Variants in DGKH observed in about 807,000 individuals in gnomAD.
The protein encoded by DGKH is DAG kinase eta.
Under a neutral mutation model 159.3 loss-of-function variants are expected in DGKH, and 90 were observed. The ratio of observed to expected loss-of-function variants is 0.57; its 90% confidence interval spans 0.48 to 0.67. The LOEUF is 0.67. DGKH is among the 30% of genes least tolerant of loss of function. The pLI is 0.00. For synonymous variants in DGKH, 536 were observed against 553.8 expected (o/e 0.97, Z 0.45); for missense variants, 1,181 against 1,506.1 (o/e 0.78, Z 3.57).
intron 1 of DGKH, among the ~76,000 whole-genome samples, chr13:42,118,329 TAC>T (rs1156418389): frequency 2.0e-5 from 3 of 152,356 alleles, no homozygotes; most frequent in Admixed American, 6.5e-5. Context: ...TGTTTTAAAA[TAC>T]ACAGTTACCT....
chr13:42,198,450 T>G (rs201267674), intron 17 of DGKH, 28 bp from the exon 18 acceptor site: 5 of 1,588,788 alleles, frequency 3.1e-6, no homozygotes, highest in Non-Finnish European at 4.3e-6. Flanking sequence ...TAACATGCGA[T>G]CCCATATGTG....
chr13:42,150,900 C>T lies in DGKH; in HGVS notation c.385-4391C>T, dbSNP rs112849386. ...CATGTGATCTTCATATGAGATGATC[C>T]TGGATTATCTAGGTGGGCCCAGTGC... On this transcript the variant is annotated intron_variant, in intron 3 of 29. Coordinates refer to ENST00000337343, the MANE Select transcript of DGKH (RefSeq NM_178009.5). Among the ~76,000 whole-genome samples the T allele has an allele frequency of 4.1e-3, 621 of 151,816 alleles. 7 individuals are homozygous for T. The highest frequency in any genetic ancestry group is 0.014 in the African/African-American group (573 of 41,432).
chr13:42,067,709 A>AG (rs1555256876), intron 1 of DGKH, among the ~76,000 whole-genome samples: 1 of 149,704 alleles, frequency 6.7e-6, no homozygotes, highest in Non-Finnish European at 1.5e-5. Flanking sequence ...TAATTAATTA[A>AG]TTTTTTTTTT....
intron 25 of DGKH, among the ~76,000 whole-genome samples, chr13:42,215,373 C>T (rs916227539): frequency 4.0e-5 from 6 of 151,740 alleles, no homozygotes; most frequent in Non-Finnish European, 4.4e-5. Context: ...TCACTGTAAT[C>T]GGTGCATTCT....
intron 20 of DGKH, among the ~76,000 whole-genome samples, chr13:42,201,673 C>T (rs1429122088): frequency 6.6e-6 from 1 of 152,152 alleles, no homozygotes; most frequent in African/African-American, 2.4e-5. Flanking sequence ...GACCCCTTCT[C>T]AGAATATTGT....
At chr13:42,179,563 C>T (rs1021198751) in intron 13 of DGKH, among the ~76,000 whole-genome samples, 9 of 152,026 alleles carry the variant, frequency 5.9e-5, no homozygotes, top group African/African-American at 2.2e-4. Context: ...ACTTGAAGCC[C>T]AGGAGTTCAA....
chr13:42,210,892 G>T, intron 24 of DGKH, 127 bp downstream of exon 24: 1 of 759,626 alleles, frequency 1.3e-6, no homozygotes, highest in Non-Finnish European at 2.1e-6. Context: ...TCTTCACACA[G>T]CACTCTTTCC....
intron 1 of DGKH, among the ~76,000 whole-genome samples, chr13:42,100,328 G>C (rs2137771887): frequency 6.6e-6 from 1 of 152,210 alleles, no homozygotes; most frequent in South Asian, 2.1e-4. Context: ...AACAAGCTTA[G>C]GGCTCCCACT....
rs199633206 is a variant in DGKH, at chr13:42,168,580, C to G, written c.1227+32C>G. On this transcript the variant is annotated intron_variant, in intron 10 of 29. Coordinates refer to ENST00000337343, the MANE Select transcript of DGKH (RefSeq NM_178009.5). ...GCTAATTCTTTTACTTGCTAGTTAA[C>G]ATGAATGCATACTAACATACTTACC... is the stretch of plus-strand genomic sequence containing the variant. 241 of 1,613,310 alleles carry G rather than the reference C, an allele frequency of 1.5e-4. 1 individual carries two copies. Among genetic ancestry groups the G allele is most frequent in the Admixed American group, 5.2e-4 (31 of 59,978 alleles).
At chr13:42,166,342 A>G (rs554044764) in intron 8 of DGKH, among the ~76,000 whole-genome samples, 173 bp from the exon 9 acceptor site, 1 of 152,272 alleles carries the variant, frequency 6.6e-6, no homozygotes, top group South Asian at 2.1e-4. Flanking sequence ...CATAAGAATT[A>G]CATACAAACA....
Position 42,166,653 on chromosome 13 carries a change from TG to T in DGKH, c.1098del (p.Met366IlefsTer7). ...AATCCGGCTCAGGTGTTTGATTTAATGAATGGAGGTCCTCATTTAGGGTAAC... is the reference window on the plus strand; with the variant it reads ...AATCCGGCTCAGGTGTTTGATTTAATAATGGAGGTCCTCATTTAGGGTAAC... ...LLNPAQVFDLMNGGPHLGLRL... is the reference protein window; with the variant it reads ...LLNPAQVFDLXNGGPHLGLRL... On this transcript the variant is annotated frameshift_variant, in exon 9 of 30. Transcript: ENST00000337343. LOFTEE classifies it high-confidence loss of function. The T allele has an allele frequency of 6.2e-7, 1 of 1,600,118 alleles. No individual in the cohort carries two copies. The highest frequency in any genetic ancestry group is 1.1e-5 in the South Asian group (1 of 87,842).
Position 42,235,043 on chromosome 13 carries a change from A to G in DGKH, c.*5855A>G, listed in dbSNP as rs1016717135. The G allele has an allele frequency of 1.3e-5, 2 of 152,146 alleles. No individual in the cohort carries two copies. Among genetic ancestry groups the G allele is most frequent in the African/African-American group, 2.4e-5 (1 of 41,420 alleles). The allele number at this position is 152,146 out of a possible 1,614,324, so 9.4% of individuals were successfully genotyped here. A position where few individuals can be genotyped will look rare whatever the true frequency, so the allele number is the denominator to read the frequency against. ...AGAAGAAAAACTATAAAGTTTTATC[A>G]TTGTAGAGAACAGAGAGATCAAAGA... On this transcript the variant is annotated 3_prime_UTR_variant, in exon 30 of 30. Transcript: ENST00000337343.
chr13:42,191,194 T>C (rs1957053983), intron 16 of DGKH, among the ~76,000 whole-genome samples: 1 of 152,220 alleles, frequency 6.6e-6, no homozygotes, highest in South Asian at 2.1e-4. Flanking sequence ...GAAAAGTTTC[T>C]AACGTACTGG....
At chr13:42,059,046 C>T (rs1394094483) in intron 1 of DGKH, among the ~76,000 whole-genome samples, 1 of 152,126 alleles carries the variant, frequency 6.6e-6, no homozygotes, top group Non-Finnish European at 1.5e-5. Context: ...TCTCCATTTC[C>T]AAATTGGACG....
At chr13:42,126,241 A>T (rs1955169256) in intron 1 of DGKH, among the ~76,000 whole-genome samples, 2 of 152,220 alleles carry the variant, frequency 1.3e-5, no homozygotes, top group Admixed American at 1.3e-4. Context: ...ATTATGTGTC[A>T]GAAGATGGAA....
At chr13:42,178,274 C>T in intron 13 of DGKH, 54 bp downstream of exon 13, 1 of 1,389,674 alleles carries the variant, frequency 7.2e-7, no homozygotes, top group Non-Finnish European at 9.9e-7. Context: ...TGATAGCTGG[C>T]TCCTACCATT....
At chr13:42,179,602 C>T (rs1956696092) in intron 13 of DGKH, among the ~76,000 whole-genome samples, 1 of 151,964 alleles carries the variant, frequency 6.6e-6, no homozygotes, top group Non-Finnish European at 1.5e-5. Context: ...GACAAAACCT[C>T]ATCTCTACTC....
At chr13:42,179,591 T>G (rs529811224) in intron 13 of DGKH, among the ~76,000 whole-genome samples, 12 of 152,058 alleles carry the variant, frequency 7.9e-5, no homozygotes, top group Non-Finnish European at 1.5e-4. Flanking sequence ...CTGGGCAATA[T>G]GACAAAACCT....
intron 1 of DGKH, among the ~76,000 whole-genome samples, chr13:42,041,397 C>T (rs1449589742): frequency 6.6e-6 from 1 of 152,160 alleles, no homozygotes; most frequent in East Asian, 1.9e-4. Context: ...AGAACCACGC[C>T]TCCGACTCCT....
Sources: allele counts gnomAD v4.1 joint callset (sites outside exome capture counted in the v4.1 genomes callset), GRCh38; gene constraint gnomAD v4.1.1; transcripts MANE v1.5; gene names NCBI Gene and HGNC (gene_info 2026-07-23, HGNC 2026-07-21).